SRSF11: variants seen among roughly 807,000 people sequenced by gnomAD.
SRSF11 encodes the protein serine and arginine rich splicing factor 11, also known as serine/arginine-rich splicing factor 11.
In SRSF11, 9 loss-of-function variants were observed where a neutral mutation model predicts 56.0. The ratio of observed to expected loss-of-function variants is 0.16; its 90% confidence interval spans 0.10 to 0.28. The LOEUF (loss-of-function observed/expected upper bound fraction) is 0.28, where lower values mean the gene tolerates loss of function less well. Among genes scored for constraint, SRSF11 ranks in the 10% least tolerant of loss-of-function variants. SRSF11 has a pLI of 1.00. For missense variants in SRSF11, 421 were observed against 600.7 expected, an observed-to-expected ratio of 0.70 and a Z score of 3.13; for synonymous variants, 222 against 215.3, an observed-to-expected ratio of 1.03 and a Z score of -0.27.
At chr1:70,248,968 CTGTG>C (rs953806035) in intron 9 of SRSF11, 2 of 151,930 alleles carry the variant, frequency 1.3e-5, no homozygotes, top group Non-Finnish European at 2.9e-5. Flanking sequence ...TCACAGAGGG[CTGTG>C]TAAGTAGAAA....
At chr1:70,205,806 G>A (rs1390808355) in intron 1 of SRSF11, 1 of 379,344 alleles carries the variant, frequency 2.6e-6, no homozygotes, top group Admixed American at 4.0e-5. Context: ...GGGCTTAAGA[G>A]GGGCTTTCGG....
At chr1:70,233,219 T>G (rs972362697) in intron 3 of SRSF11, among the ~76,000 whole-genome samples, 6 of 152,068 alleles carry the variant, frequency 3.9e-5, no homozygotes, top group Non-Finnish European at 7.4e-5. Context: ...TGTTTTGTTT[T>G]TTTTTGTTTG....
In SRSF11 at chr1:70,221,730, A is replaced by C; in HGVS notation, c.94A>C (p.Thr32Pro). ...GGGGGGGGGG[T>P]EVIQVTNVSP... Reference sequence around the variant, plus strand: ...TGGTGGTGGCGGCGGAGGCGGCGGCACCGAGGTAATCCAGGTGACTAATGT... The same window carrying C: ...TGGTGGTGGCGGCGGAGGCGGCGGCCCCGAGGTAATCCAGGTGACTAATGT... The change falls in exon 1 of 12, where the codon ACC (threonine) becomes CCC (proline). Residue 32 changes from threonine (T) to proline (P), a missense_variant. Physicochemically the swap from Thr to Pro is conservative, Grantham distance 38. This residue lies in a region of SRSF11 where 168 missense variants were observed against 294.9 expected (regional missense o/e 0.57). Coordinates refer to ENST00000370949, the MANE Select transcript of SRSF11 (RefSeq NM_001350605.2). 1 of 1,613,956 alleles carries C rather than the reference A, an allele frequency of 6.2e-7. No individual in the cohort carries two copies. The highest frequency in any genetic ancestry group is 8.5e-7 in the Non-Finnish European group (1 of 1,179,898).
chr1:70,230,619 G>T, intron 2 of SRSF11: 1 of 1,280,682 alleles, frequency 7.8e-7, no homozygotes, highest in Non-Finnish European at 1.0e-6. Flanking sequence ...AAATTAACTG[G>T]TGAGGGGCCT....
intron 1 of SRSF11, among the ~76,000 whole-genome samples, chr1:70,223,563 T>A (rs1318522156): frequency 6.6e-6 from 1 of 152,290 alleles, no homozygotes; most frequent in African/African-American, 2.4e-5. Context: ...TTCCCAGTAT[T>A]GGGAGAAAGA....
intron 1 of SRSF11, among the ~76,000 whole-genome samples, chr1:70,225,842 G>A (rs72678616): frequency 1.4e-3 from 218 of 152,098 alleles, no homozygotes; most frequent in Middle Eastern, 0.014. Context: ...AATATGTGTC[G>A]TATTTGGAAG....
chr1:70,249,808 C>T, intron 9 of SRSF11, 144 bp from the exon 10 acceptor site: 1 of 789,364 alleles, frequency 1.3e-6, no homozygotes, highest in Non-Finnish European at 2.1e-6. Flanking sequence ...AATCCCCTCA[C>T]CTCAGCCTGC....
chr1:70,206,282 C>T (rs568690739), intron 1 of SRSF11, among the ~76,000 whole-genome samples: 70 of 152,302 alleles, frequency 4.6e-4, no homozygotes, highest in Admixed American at 1.1e-3. Flanking sequence ...AAGTTCAAAT[C>T]TCAGCTGCTT....
rs1459139574 is a variant in SRSF11 at position 70,221,506 on chromosome 1, G to C, written c.-131G>C. On this transcript the variant is annotated 5_prime_UTR_variant, in exon 1 of 12. Transcript: ENST00000370949. ...AAACGGCGGCGGCGGCGGCGGCATC[G>C]GCAGCAGTAGCAGAGGCTGTAGCAT... 6 of 1,287,802 alleles carry C rather than the reference G, an allele frequency of 4.7e-6. No homozygotes were observed. The highest frequency in any genetic ancestry group is 6.3e-6 in the Non-Finnish European group (6 of 951,352). The allele number at this position is 1,287,802 out of a possible 1,614,324, so 79.8% of individuals were successfully genotyped here. A position where few individuals can be genotyped will look rare whatever the true frequency, so the allele number is the denominator to read the frequency against.
At chr1:70,227,051 C>CT (rs1399918371) in intron 1 of SRSF11, among the ~76,000 whole-genome samples, 1 of 152,004 alleles carries the variant, frequency 6.6e-6, no homozygotes, top group Non-Finnish European at 1.5e-5. Context: ...CTGAGAGGTC[C>CT]TTGTAGGGAA....
chr1:70,248,954 A>G (rs1284928327), intron 9 of SRSF11: 1 of 152,228 alleles, frequency 6.6e-6, no homozygotes, highest in Non-Finnish European at 1.5e-5. Flanking sequence ...TTCCAGGACA[A>G]GGGTCACAGA....
chr1:70,221,286 T>C (rs1670535422), upstream of SRSF11: 1 of 289,124 alleles, frequency 3.5e-6, no homozygotes, highest in Non-Finnish European at 6.4e-6. Context: ...CTCTCATTTC[T>C]CGGGCTGCAG....
At position 70,250,522 on chromosome 1, in the gene SRSF11, T is replaced by A; in HGVS notation, c.1257+19T>A. 6.2e-7 allele frequency: 1 copy of A among 1,606,970 alleles called. No homozygotes were observed. The highest frequency in any genetic ancestry group is 8.5e-7 in the Non-Finnish European group (1 of 1,176,520). ...TGTAAAAGTATGTTTACAAATTGAT[T>A]TATTTTTATATTTGGGGTGATGTTG... is the stretch of plus-strand genomic sequence containing the variant. On this transcript the variant is annotated intron_variant, in intron 11 of 11. Coordinates refer to ENST00000370949, the MANE Select transcript of SRSF11 (RefSeq NM_001350605.2).
chr1:70,218,292 C>A (rs1165745510), upstream of SRSF11, among the ~76,000 whole-genome samples: 1 of 152,096 alleles, frequency 6.6e-6, no homozygotes, highest in Non-Finnish European at 1.5e-5. Context: ...TTTAAGCCAG[C>A]CTTCTAACTT....
At chr1:70,237,755 G>C (rs147831907) in intron 6 of SRSF11, among the ~76,000 whole-genome samples, 1 of 152,164 alleles carries the variant, frequency 6.6e-6, no homozygotes, top group African/African-American at 2.4e-5. Context: ...GAGGGCAAAG[G>C]ACCAACATGT....
chr1:70,232,501 T>C, intron 3 of SRSF11, 124 bp downstream of exon 3: 2 of 684,658 alleles, frequency 2.9e-6, no homozygotes, highest in South Asian at 4.0e-5. Flanking sequence ...CACATGTCTA[T>C]ATCAAAATCA....
chr1:70,250,240 C>A (rs751518177), intron 10 of SRSF11, 125 bp from the exon 11 acceptor site: 59 of 1,460,914 alleles, frequency 4.0e-5, no homozygotes, highest in Non-Finnish European at 5.2e-5. Flanking sequence ...GTTTTGTAGC[C>A]TGTGTTACTT....
In SRSF11 at chr1:70,232,412, A is replaced by T. The variant is rs183129477; in HGVS notation, c.447+35A>T. On this transcript the variant is annotated intron_variant, in intron 3 of 11. Transcript: ENST00000370949. Reference sequence around the variant, plus strand: ...CTATTGAATTCTTAAAGGGTGGGGAAAAAAACAGAATTGTGCATAAAGCTA... The same window carrying T: ...CTATTGAATTCTTAAAGGGTGGGGATAAAAACAGAATTGTGCATAAAGCTA... The T allele has an allele frequency of 9.7e-4, 1,470 of 1,522,712 alleles. 2 individuals are homozygous for T. Among genetic ancestry groups the T allele is most frequent in the Non-Finnish European group, 1.2e-3 (1,381 of 1,113,678 alleles). The allele number at this position is 1,522,712 out of a possible 1,614,324, so 94.3% of individuals were successfully genotyped here.
chr1:70,228,310 TAC>T (rs1558172334), intron 1 of SRSF11, 110 bp from the exon 2 acceptor site: 2 of 710,800 alleles, frequency 2.8e-6, no homozygotes, highest in African/African-American at 1.8e-5. Flanking sequence ...TACATTAGTA[TAC>T]AGTTAGGTTT....
Sources: allele counts gnomAD v4.1 joint callset (sites outside exome capture counted in the v4.1 genomes callset), GRCh38; gene constraint gnomAD v4.1.1; regional missense constraint gnomAD v4.1.1; transcripts MANE v1.5; gene names NCBI Gene and HGNC (gene_info 2026-07-23, HGNC 2026-07-21).